SEMA6D: variants seen among roughly 807,000 people sequenced by gnomAD.
The protein encoded by SEMA6D is semaphorin 6D, also known as semaphorin-6D.
Under a neutral mutation model 106.6 loss-of-function variants are expected in SEMA6D, and 35 were observed. The ratio of observed to expected loss-of-function variants is 0.33; its 90% CI spans 0.25 to 0.44. The LOEUF is 0.44. SEMA6D is among the 20% of genes least tolerant of loss of function. SEMA6D has a pLI of 1.00. For missense variants in SEMA6D, 1,185 were observed against 1,345.9 expected (o/e 0.88, Z 1.87); for synonymous variants, 499 against 487.7 (o/e 1.02, Z -0.31).
At chr15:47,439,107 T>C (rs2041810059) in intron 2 of SEMA6D, among the ~76,000 whole-genome samples, 1 of 152,138 alleles carries the variant, frequency 6.6e-6, no homozygotes, top group Admixed American at 6.6e-5. Context: ...TTCTGATTTT[T>C]GTGCAATGAA....
chr15:47,192,461 A>G (rs1894027510), intron 1 of SEMA6D, among the ~76,000 whole-genome samples: 1 of 152,212 alleles, frequency 6.6e-6, no homozygotes, highest in African/African-American at 2.4e-5. Flanking sequence ...ACCTTAGGAA[A>G]TAATCTGGGT....
intron 1 of SEMA6D, among the ~76,000 whole-genome samples, chr15:47,400,310 C>T (rs765962105): frequency 3.9e-5 from 6 of 151,940 alleles, no homozygotes; most frequent in African/African-American, 7.2e-5. Context: ...GCCAACAGGA[C>T]AAACTCCCTT....
At chr15:47,468,278 A>G (rs76394185) in intron 2 of SEMA6D, among the ~76,000 whole-genome samples, 3,027 of 152,276 alleles carry the variant, frequency 0.02, 100 homozygotes, top group African/African-American at 0.069. Context: ...TTTTCTCATG[A>G]TAGCAGAATT....
At chr15:47,227,438 T>TTTCTTTCTTTCTTTCTTTCTTTC (rs374904188) in intron 1 of SEMA6D, among the ~76,000 whole-genome samples, 9,875 of 76,570 alleles carry the variant, frequency 0.13, 525 homozygotes, top group Non-Finnish European at 0.15. Flanking sequence ...TCTTTCTTTC[T>TTTCTTTCTTTCTTTCTTTCTTTC]TTTCTTTCTT....
chr15:47,404,644 A>C (rs1455625413), intron 1 of SEMA6D, among the ~76,000 whole-genome samples: 1 of 152,208 alleles, frequency 6.6e-6, no homozygotes, highest in African/African-American at 2.4e-5. Flanking sequence ...ATGCCCAGCT[A>C]GTACTCTGAT....
intron 3 of SEMA6D, 57 bp from the exon 4 acceptor site, chr15:47,760,921 G>A (rs2082025884): frequency 1.4e-6 from 2 of 1,441,896 alleles, no homozygotes; most frequent in Non-Finnish European, 1.9e-6. Flanking sequence ...AAAAAAGGAA[G>A]CAGCTTAACA....
At chr15:47,422,430 T>C (rs536025275) in intron 2 of SEMA6D, among the ~76,000 whole-genome samples, 8 of 152,146 alleles carry the variant, frequency 5.3e-5, no homozygotes, top group African/African-American at 1.9e-4. Flanking sequence ...GGGTATTCCA[T>C]GTCATTTAAA....
chr15:47,770,447 ATTATTTTTAAAAAGCACC>A (rs777829870), intron 18 of SEMA6D, 32 bp from the exon 19 acceptor site: 1 of 1,452,030 alleles, frequency 6.9e-7, no homozygotes, highest in South Asian at 1.4e-5. Flanking sequence ...GCTATTTATT[ATTATTTTTAAAAAGCACC>A]TTATTCACAT....
At chr15:47,547,747 T>C (rs924481703) in intron 3 of SEMA6D, among the ~76,000 whole-genome samples, 2 of 152,174 alleles carry the variant, frequency 1.3e-5, no homozygotes, top group Non-Finnish European at 2.9e-5. Context: ...CACGTTGGCC[T>C]AAAGCCTCTT....
chr15:47,217,566 GGTGTGT>G (rs146342466), intron 1 of SEMA6D, among the ~76,000 whole-genome samples: 48 of 145,918 alleles, frequency 3.3e-4, no homozygotes, highest in African/African-American at 1.0e-3. Context: ...CGCGTGCACG[GGTGTGT>G]GTGTGTGTGT....
At chr15:47,753,622 A>G (rs2081563551) in intron 1 of SEMA6D, among the ~76,000 whole-genome samples, 1 of 152,224 alleles carries the variant, frequency 6.6e-6, no homozygotes, top group Non-Finnish European at 1.5e-5. Context: ...AGAGCACACA[A>G]TGCATTGCTT....
intron 2 of SEMA6D, among the ~76,000 whole-genome samples, chr15:47,439,227 T>C (rs575977165): frequency 6.6e-6 from 1 of 152,294 alleles, no homozygotes; most frequent in South Asian, 2.1e-4. Flanking sequence ...TTTATTTTTG[T>C]AACCAAACAA....
chr15:47,587,683 A>C (rs1160450181), intron 3 of SEMA6D, among the ~76,000 whole-genome samples: 1 of 152,310 alleles, frequency 6.6e-6, no homozygotes, highest in Middle Eastern at 3.4e-3. Flanking sequence ...GCAGCCATAG[A>C]CCATATGAAT....
At chr15:47,257,018 C>A (rs554495819) in intron 1 of SEMA6D, among the ~76,000 whole-genome samples, 1 of 151,760 alleles carries the variant, frequency 6.6e-6, no homozygotes, top group Admixed American at 6.6e-5. Context: ...ACTGTCTTGA[C>A]CTTTCAGTAT....
intron 1 of SEMA6D, among the ~76,000 whole-genome samples, chr15:47,232,732 T>G (rs2032286627): frequency 6.7e-6 from 1 of 148,992 alleles, no homozygotes; most frequent in African/African-American, 2.5e-5. Flanking sequence ...TATACTTTGT[T>G]TGAAAAAATG....
upstream of SEMA6D, among the ~76,000 whole-genome samples, chr15:47,715,098 T>A (rs1423052551): frequency 6.6e-6 from 1 of 152,158 alleles, no homozygotes; most frequent in East Asian, 1.9e-4. Flanking sequence ...TTTAAACAAA[T>A]TGTTGGCTAG....
chr15:47,420,522 A>G (rs759943885), intron 2 of SEMA6D, among the ~76,000 whole-genome samples: 1 of 151,944 alleles, frequency 6.6e-6, no homozygotes, highest in South Asian at 2.1e-4. Context: ...AGTTTTGCCC[A>G]TCTTCTATTT....
chr15:47,741,028 A>C (rs2080779706), intron 1 of SEMA6D, among the ~76,000 whole-genome samples: 1 of 152,250 alleles, frequency 6.6e-6, no homozygotes, highest in Admixed American at 6.5e-5. Context: ...CTATTAGACT[A>C]GAAAGGGGAA....
chr15:47,266,325 T>C lies in SEMA6D; in HGVS notation c.-239+81907T>C, dbSNP rs566428628. 4.2e-4 allele frequency among the ~76,000 whole-genome samples: 64 copies of C among 152,168 alleles called. 1 individual carries two copies. Among genetic ancestry groups the C allele is most frequent in the Admixed American group, 1.3e-3 (20 of 15,248 alleles). ...TCCTTTGAAAAGAAATTAGTAACTG[T>C]CTGTTTTAGGACTGCTCTTCCTCTC... On this transcript the variant is annotated intron_variant, in intron 1 of 19. Coordinates refer to the SEMA6D transcript ENST00000558014.
Sources: allele counts gnomAD v4.1 joint callset (sites outside exome capture counted in the v4.1 genomes callset), GRCh38; gene constraint gnomAD v4.1.1; transcripts MANE v1.5; gene names NCBI Gene and HGNC (gene_info 2026-07-23, HGNC 2026-07-21).